The following PARVB variants were observed in gnomAD, a reference collection of about 807,000 sequenced individuals.
PARVB encodes the protein parvin beta, also known as beta-parvin.
PARVB carries 46 observed loss-of-function variants against 47.0 expected under a neutral mutation model. The observed-to-expected ratio is 0.98, with a 90% confidence interval of 0.77 to 1.25. The LOEUF is 1.25. PARVB is among the 50% of genes most tolerant of loss of function. The probability of loss-of-function intolerance (pLI) is 0.00; values close to 1 mark genes in which losing one functional copy is unlikely to be tolerated. For missense variants in PARVB, 473 were observed against 471.6 expected (o/e 1.00, Z -0.03); for synonymous variants, 196 against 196.3 (o/e 1.00, Z 0.01).
At chr22:44,044,191 G>GT (rs776354860) in intron 1 of PARVB, among the ~76,000 whole-genome samples, 3,360 of 134,958 alleles carry the variant, frequency 0.025, 81 homozygotes, top group African/African-American at 0.061. Context: ...ATTTTTTGTG[G>GT]TTTTTTTTTT....
chr22:44,094,034 G>T lies in PARVB; in HGVS notation c.202+17G>T, dbSNP rs1189585382. On this transcript the variant is annotated intron_variant, in intron 2 of 12. Transcript: ENST00000338758. Reference sequence around the variant, plus strand: ...CCCAGCTTGGTACGGGGGTTCCTCCGCTCCCTGCCCTGAGACAGTTGAGCT... The same window carrying T: ...CCCAGCTTGGTACGGGGGTTCCTCCTCTCCCTGCCCTGAGACAGTTGAGCT... 1 of 1,490,806 alleles carries T rather than the reference G, an allele frequency of 6.7e-7. No individual in the cohort carries two copies. Among genetic ancestry groups the T allele is most frequent in the Admixed American group, 1.7e-5 (1 of 58,012 alleles). 92.3% of individuals were successfully genotyped at this position (1,490,806 alleles called of 1,614,324 possible).
At chr22:44,011,924 T>C (rs558720968) in intron 2 of PARVB, among the ~76,000 whole-genome samples, 1 of 152,338 alleles carries the variant, frequency 6.6e-6, no homozygotes, top group East Asian at 1.9e-4. Context: ...ACCTTTCATT[T>C]TGCAAGCAGG....
At chr22:44,050,405 G>A (rs528627958) in intron 1 of PARVB, among the ~76,000 whole-genome samples, 144 of 151,022 alleles carry the variant, frequency 9.5e-4, no homozygotes, top group African/African-American at 2.9e-3. Flanking sequence ...GTGCAATGGC[G>A]CCATCTCAGC....
At chr22:44,037,703 G>A (rs73178469) in intron 1 of PARVB, among the ~76,000 whole-genome samples, 1 of 152,180 alleles carries the variant, frequency 6.6e-6, no homozygotes, top group Non-Finnish European at 1.5e-5. Context: ...GCTTAAACTG[G>A]AAGAATGATT....
At chr22:44,122,609 A>G (rs1465936963) in intron 4 of PARVB, among the ~76,000 whole-genome samples, 2 of 127,612 alleles carry the variant, frequency 1.6e-5, no homozygotes, top group Non-Finnish European at 3.4e-5. Flanking sequence ...AGAGAGAGAG[A>G]GGTCTCACTG....
At chr22:44,149,485 T>C (rs5764560) in intron 9 of PARVB, 59,145 of 151,544 alleles carry the variant, frequency 0.39, 12,393 homozygotes, top group East Asian at 0.79. Context: ...TCCTACTCCT[T>C]CCCATCCCAC....
In PARVB at chr22:44,094,017, G is replaced by A. The variant is rs187361838; in HGVS notation, c.202G>A (p.Glu68Lys). The change falls in exon 2 of 13, where the codon GAG becomes AAG. Residue 68 changes from glutamate (E) to lysine (K), a missense_variant and splice_region_variant. By Grantham distance (56) the Glu-to-Lys change is moderately conservative (BLOSUM62 1). Coordinates refer to ENST00000338758, the MANE Select transcript of PARVB (RefSeq NM_013327.5). ...VDVHPEDTQL[E>K]ENEERTMIDP... The stretch of plus-strand genomic sequence containing the variant: ...TGTTCACCCTGAAGACACCCAGCTT[G>A]GTACGGGGGTTCCTCCGCTCCCTGC... 1 of 1,576,784 alleles carries A rather than the reference G, an allele frequency of 6.3e-7. No individual in the cohort carries two copies. The highest frequency in any genetic ancestry group is 8.7e-7 in the Non-Finnish European group (1 of 1,147,786).
At chr22:44,062,669 T>G (rs1056889921) in intron 1 of PARVB, among the ~76,000 whole-genome samples, 2 of 150,242 alleles carry the variant, frequency 1.3e-5, no homozygotes, top group African/African-American at 4.9e-5. Flanking sequence ...AGGGAAACAC[T>G]GCATTTGTGC....
intron 1 of PARVB, among the ~76,000 whole-genome samples, chr22:44,090,211 CCAA>C (rs1166912535): frequency 2.6e-5 from 4 of 152,218 alleles, no homozygotes. Flanking sequence ...AAGCCACACA[CCAA>C]CAAGTGGCAA....
upstream of PARVB, among the ~76,000 whole-genome samples, chr22:44,022,748 T>A (rs992168656): frequency 5.1e-5 from 4 of 78,696 alleles, no homozygotes; most frequent in South Asian, 1.2e-3. Context: ...TTATTTTTTA[T>A]TTTTTTTTTA....
At chr22:44,086,871 G>A in intron 1 of PARVB, 1 of 975,770 alleles carries the variant, frequency 1.0e-6, no homozygotes, top group East Asian at 1.1e-4. Flanking sequence ...TCCTGGCAGA[G>A]GCCTGGAAAA....
At chr22:44,163,212 G>A (rs1279625157) in intron 11 of PARVB, among the ~76,000 whole-genome samples, 10 of 152,226 alleles carry the variant, frequency 6.6e-5, no homozygotes, top group Non-Finnish European at 1.5e-4. Context: ...GCTCACGCCT[G>A]TAATTCCAGC....
intron 3 of PARVB, chr22:44,105,665 T>C (rs2052550305): frequency 6.6e-6 from 1 of 152,234 alleles, no homozygotes; most frequent in African/African-American, 2.4e-5. Flanking sequence ...GGGCTGGAGT[T>C]GTGCTGCACA....
intron 1 of PARVB, among the ~76,000 whole-genome samples, chr22:44,060,628 G>A (rs2051401319): frequency 6.6e-6 from 1 of 151,850 alleles, no homozygotes; most frequent in African/African-American, 2.4e-5. Flanking sequence ...TGGACAAAAG[G>A]TGGAATACAC....
At chr22:44,013,895 C>T (rs910349761) in intron 2 of PARVB, among the ~76,000 whole-genome samples, 6 of 152,016 alleles carry the variant, frequency 3.9e-5, no homozygotes, top group African/African-American at 1.2e-4. Flanking sequence ...GGCCTCCCAA[C>T]GTGCTGGGAT....
intron 10 of PARVB, among the ~76,000 whole-genome samples, chr22:44,157,149 G>A (rs1601698163): frequency 6.6e-6 from 1 of 152,330 alleles, no homozygotes; most frequent in Admixed American, 6.5e-5. Context: ...GAGGCCCCCT[G>A]GAGAATGGGG....
In PARVB at chr22:44,172,591, G is replaced by A. The variant is rs933627219; in HGVS notation, c.*3913G>A. ...GCCCACACAGTGTTATGCAAGCACC[G>A]AGCCCAGAGTCCCGCTGGGCCGTGG... On this transcript the variant is annotated 3_prime_UTR_variant, in exon 13 of 13. Coordinates refer to ENST00000338758, the MANE Select transcript of PARVB (RefSeq NM_013327.5). The A allele has an allele frequency of 2.5e-5, 5 of 204,040 alleles. No individual in the cohort carries two copies. Among genetic ancestry groups the A allele is most frequent in the East Asian group, 1.6e-4 (1 of 6,142 alleles). 12.6% of individuals were successfully genotyped at this position (204,040 alleles called of 1,614,324 possible).
chr22:44,044,499 T>C (rs2051079838), intron 1 of PARVB, among the ~76,000 whole-genome samples: 1 of 149,606 alleles, frequency 6.7e-6, no homozygotes, highest in Non-Finnish European at 1.5e-5. Context: ...CTGTTTTGTA[T>C]TTTTGAGATG....
intron 1 of PARVB, among the ~76,000 whole-genome samples, chr22:44,030,755 G>A (rs774821171): frequency 8.3e-5 from 12 of 144,228 alleles, no homozygotes; most frequent in Non-Finnish European, 1.7e-4. Flanking sequence ...TTTGTGGGAG[G>A]GGTGGGAAAG....
Sources: allele counts gnomAD v4.1 joint callset (sites outside exome capture counted in the v4.1 genomes callset), GRCh38; gene constraint gnomAD v4.1.1; transcripts MANE v1.5; gene names NCBI Gene and HGNC (gene_info 2026-07-23, HGNC 2026-07-21).